Variants in MLXIPL observed in about 807,000 individuals in gnomAD.
MLXIPL encodes carbohydrate-responsive element-binding protein.
MLXIPL carries 49 observed loss-of-function variants against 81.5 expected under a neutral mutation model. The ratio of observed to expected loss-of-function variants is 0.60; its 90% CI spans 0.48 to 0.76. The LOEUF (loss-of-function observed/expected upper bound fraction) is 0.76. Ranked by LOEUF, MLXIPL falls within the 30% of genes least tolerant of loss-of-function variation. The pLI is 0.00. For synonymous variants in MLXIPL, 466 were observed against 485.5 expected (o/e 0.96, Z 0.53); for missense variants, 1,053 against 1,167.0 (o/e 0.90, Z 1.42).
the MLXIPL span, among the ~76,000 whole-genome samples, chr7:73,638,645 C>T: frequency 6.6e-6 from 1 of 151,876 alleles, no homozygotes; most frequent in African/African-American, 2.4e-5. Flanking sequence ...TTTTCCAAGA[C>T]AGGGTCTCAC....
chr7:73,624,299 C>T lies in MLXIPL; in HGVS notation c.194G>A (p.Arg65Gln), dbSNP rs934108591. Residue 65 changes from arginine to glutamine, a missense_variant, in exon 1 of 17, where the codon CGG becomes CAG. By Grantham distance (43) the Arg-to-Gln change is conservative. Coordinates refer to ENST00000313375, the MANE Select transcript of MLXIPL (RefSeq NM_032951.3). ...CCCCACGGACCCCTCCTGGTCGCGC[C>T]GCCGGGGCAGCGAGTCGCTGTGCGG... ...SSPHSDSLPR[R>Q]RDQEGSVGPS... 3 of 1,586,218 alleles carry T rather than the reference C, an allele frequency of 1.9e-6. No individual in the cohort carries two copies. Among genetic ancestry groups the T allele is most frequent in the Non-Finnish European group, 1.7e-6 (2 of 1,168,142 alleles).
At chr7:73,643,382 C>T in the MLXIPL span, among the ~76,000 whole-genome samples, 3 of 152,034 alleles carry the variant, frequency 2.0e-5, no homozygotes, top group East Asian at 3.9e-4. Context: ...GGCATGGTGG[C>T]GGGTGCCTGT....
the MLXIPL span, among the ~76,000 whole-genome samples, chr7:73,638,864 C>T: frequency 6.6e-6 from 1 of 152,106 alleles, no homozygotes; most frequent in Admixed American, 6.6e-5. Context: ...CTCAGGTGAT[C>T]CACCCACCTC....
chr7:73,602,114 G>T lies in MLXIPL; in HGVS notation c.902-2419C>A, dbSNP rs56140697. ...TGCCTGCCTTCCTGCCTGCCTGCCT[G>T]CCTGCCTGCCTGCCTGCCTTCCTTC... On this transcript the variant is annotated intron_variant, in intron 7 of 16. Coordinates refer to ENST00000313375, the MANE Select transcript of MLXIPL (RefSeq NM_032951.3). 5.6e-3 allele frequency among the ~76,000 whole-genome samples: 299 copies of T among 53,498 alleles called. 1 individual carries two copies. The highest frequency in any genetic ancestry group is 9.9e-3 in the African/African-American group (128 of 12,918). 35.1% of individuals were successfully genotyped at this position (53,498 alleles called of 152,430 possible).
At chr7:73,615,056 C>G (rs563430267) in intron 2 of MLXIPL, among the ~76,000 whole-genome samples, 2 of 152,102 alleles carry the variant, frequency 1.3e-5, no homozygotes, top group African/African-American at 4.8e-5. Context: ...GTGATCTGCC[C>G]GCCTTGGCCT....
chr7:73,602,118 G>GCCTTCCTTCCTT (rs1157234046), intron 7 of MLXIPL, among the ~76,000 whole-genome samples: 18 of 49,090 alleles, frequency 3.7e-4, no homozygotes, highest in South Asian at 2.4e-3. Flanking sequence ...CTGCCTGCCT[G>GCCTTCCTTCCTT]CCTGCCTGCC....
chr7:73,602,203 C>T (rs13243878), intron 7 of MLXIPL, among the ~76,000 whole-genome samples: 7 of 111,318 alleles, frequency 6.3e-5, no homozygotes, highest in African/African-American at 2.6e-4. Flanking sequence ...CTCTCTCTCT[C>T]TCTTTCTCTC....
the MLXIPL span, among the ~76,000 whole-genome samples, chr7:73,636,622 G>A: frequency 1.3e-5 from 2 of 152,150 alleles, no homozygotes; most frequent in African/African-American, 2.4e-5. Context: ...GTGACTCCAT[G>A]CTAGGCTTGG....
rs1795379788 is a variant in MLXIPL, at chr7:73,607,431, G to A, written c.484-11C>T. The A allele has an allele frequency of 1.3e-6, 2 of 1,551,786 alleles. No individual in the cohort carries two copies. The highest frequency in any genetic ancestry group is 1.2e-5 in the South Asian group (1 of 84,320). ...CTCCAGGACCACGGCCTGGGGTAGG[G>A]GCCGGGGGAGGGGGATCAGTAGAGA... On this transcript the variant is annotated splice_polypyrimidine_tract_variant and intron_variant, in intron 3 of 16. Transcript: ENST00000313375.
chr7:73,642,830 T>C, the MLXIPL span, among the ~76,000 whole-genome samples: 2 of 152,246 alleles, frequency 1.3e-5, no homozygotes, highest in South Asian at 2.1e-4. Flanking sequence ...TGATTGATTA[T>C]GTGACTGAAC....
intron 7 of MLXIPL, among the ~76,000 whole-genome samples, chr7:73,600,699 G>A (rs1165814818): frequency 1.6e-5 from 2 of 122,920 alleles, no homozygotes; most frequent in African/African-American, 5.8e-5. Flanking sequence ...GGGGCGAGAG[G>A]GGCCCTAAGG....
rs781888928 is a variant in MLXIPL at position 73,607,406 on chromosome 7, C to G, written c.498G>C (p.Glu166Asp). 1.3e-6 allele frequency: 2 copies of G among 1,558,766 alleles called. No individual in the cohort carries two copies. The highest frequency in any genetic ancestry group is 2.4e-5 in the South Asian group (2 of 84,712). Residue 166 changes from glutamate (E) to aspartate (D), a missense_variant, in exon 4 of 17, where the codon GAG (glutamate) becomes GAC (aspartate). Glu to Asp is a conservative substitution (Grantham distance 45). Coordinates refer to ENST00000313375, the MANE Select transcript of MLXIPL (RefSeq NM_032951.3). ...CGATGCGCCGCTTCCAGTAGTTCCC[C>G]TCCAGGACCACGGCCTGGGGTAGGG... ...AHRKPEAVVL[E>D]GNYWKRRIEV...
chr7:73,595,671 C>T lies in MLXIPL; in HGVS notation c.2276G>A (p.Arg759Gln), dbSNP rs1554593363. 28 of 1,614,158 alleles carry T rather than the reference C, an allele frequency of 1.7e-5. No individual in the cohort carries two copies. The highest frequency in any genetic ancestry group is 2.3e-5 in the Non-Finnish European group (27 of 1,180,010). ...CTTCCAGTTGTGCAGCGTACGGGTT[C>T]GGACGTAGTCATCAAACATGTCTCG... ...QMRDMFDDYV[R>Q]TRTLHNWKFW... The change falls in exon 15 of 17, where the codon CGA (arginine) becomes CAA (glutamine). Residue 759 changes from arginine (R) to glutamine (Q), a missense_variant. Physicochemically the swap from Arg to Gln is conservative, Grantham distance 43 (BLOSUM62 1). This residue lies in a region of MLXIPL where 823 missense variants were observed against 933.0 expected (regional missense o/e 0.88). Coordinates refer to ENST00000313375, the MANE Select transcript of MLXIPL (RefSeq NM_032951.3).
At chr7:73,621,538 G>C (rs940547804) in intron 1 of MLXIPL, among the ~76,000 whole-genome samples, 10 of 151,904 alleles carry the variant, frequency 6.6e-5, no homozygotes. Flanking sequence ...CCTGTAATCT[G>C]CTCCCCTCCA....
At chr7:73,631,883 C>G in the MLXIPL span, among the ~76,000 whole-genome samples, 4 of 147,872 alleles carry the variant, frequency 2.7e-5, no homozygotes, top group Non-Finnish European at 6.0e-5. Context: ...CTGCCCTCCC[C>G]TCCACTCCCC....
At chr7:73,630,443 C>T in the MLXIPL span, among the ~76,000 whole-genome samples, 13 of 151,988 alleles carry the variant, frequency 8.6e-5, no homozygotes, top group Non-Finnish European at 1.5e-4. Context: ...CAGGCGTGTG[C>T]CACTATGCCC....
At position 73,596,421 on chromosome 7, in the gene MLXIPL, G is replaced by T. The variant is rs142457635; in HGVS notation, c.1881C>A (p.Ser627Arg). The change falls in exon 12 of 17, where the codon AGC becomes AGA. Residue 627 changes from serine (S) to arginine (R), a missense_variant. Around this residue, in one of 3 missense-constraint regions of MLXIPL, gnomAD observed 823 missense variants for 933.0 expected, o/e 0.88. Coordinates refer to ENST00000313375, the MANE Select transcript of MLXIPL (RefSeq NM_032951.3). This position sits in a 1 kb window ranked among gnomAD's most constrained non-coding sequence, Gnocchi z 4.7. ...TGGGTTGCGGGGGAGAGACACGGAC[G>T]CTCAGAGTCCCAGGGCCTGGCATGG... The part of the protein sequence containing the change: ...LSSMPGPGTL[S>R]VRVSPPQPIL... 1.2e-6 allele frequency: 2 copies of T among 1,612,854 alleles called. No individual in the cohort carries two copies. The highest frequency in any genetic ancestry group is 3.3e-5 in the Admixed American group (2 of 59,986).
chr7:73,596,560 C>T lies in MLXIPL; in HGVS notation c.1822+79G>A. 6.2e-7 allele frequency: 1 copy of T among 1,600,872 alleles called. No homozygotes were observed. The highest frequency in any genetic ancestry group is 1.1e-5 in the South Asian group (1 of 89,722). On this transcript the variant is annotated intron_variant, in intron 11 of 16. Coordinates refer to ENST00000313375, the MANE Select transcript of MLXIPL (RefSeq NM_032951.3). The surrounding 1 kb of genome is among the most constrained non-coding windows in gnomAD (Gnocchi z 4.7). Reference sequence around the variant, plus strand: ...ATTGCCCCCTTCCTCTCATCTGGCCCCAGACCCAGTCCCCTTCTTCTTCCT... The same window carrying T: ...ATTGCCCCCTTCCTCTCATCTGGCCTCAGACCCAGTCCCCTTCTTCTTCCT...
chr7:73,637,497 A>G, the MLXIPL span, among the ~76,000 whole-genome samples: 3 of 152,072 alleles, frequency 2.0e-5, no homozygotes, highest in Non-Finnish European at 2.9e-5. Flanking sequence ...AAGAAAAAAC[A>G]AAAAGGGGCT....
Sources: allele counts gnomAD v4.1 joint callset (sites outside exome capture counted in the v4.1 genomes callset), GRCh38; gene constraint gnomAD v4.1.1; regional missense constraint gnomAD v4.1.1; non-coding constraint Gnocchi (gnomAD v3.1); transcripts MANE v1.5; gene names NCBI Gene and HGNC (gene_info 2026-07-23, HGNC 2026-07-21).